PLCB4: variants seen among roughly 807,000 people sequenced by gnomAD.
The protein encoded by PLCB4 is 1-phosphatidylinositol 4,5-bisphosphate phosphodiesterase beta-4.
In PLCB4, 77 loss-of-function variants were observed where a neutral mutation model predicts 178.8. The observed-to-expected ratio is 0.43, with a 90% CI of 0.36 to 0.52. The LOEUF (loss-of-function observed/expected upper bound fraction) is 0.52. Among genes scored for constraint, PLCB4 ranks in the 20% least tolerant of loss-of-function variants. The pLI is 0.00. For missense variants in PLCB4, 1,024 were observed against 1,453.4 expected, an observed-to-expected ratio of 0.70 and a Z score of 4.80; for synonymous variants, 496 against 490.8, an observed-to-expected ratio of 1.01 and a Z score of -0.14.
At chr20:9,405,828 A>G (rs2039394742) in intron 21 of PLCB4, among the ~76,000 whole-genome samples, 1 of 152,172 alleles carries the variant, frequency 6.6e-6, no homozygotes, top group South Asian at 2.1e-4. Flanking sequence ...GGTTTTATTT[A>G]GTAAGTATTT....
chr20:9,337,358 G>A (rs1441000453), intron 5 of PLCB4, 152 bp downstream of exon 5: 3 of 628,264 alleles, frequency 4.8e-6, no homozygotes, highest in African/African-American at 1.8e-5. Flanking sequence ...AGGCATTGAA[G>A]TATACAGTGA....
At position 9,132,919 on chromosome 20, in the gene PLCB4, A is replaced by G. The variant is rs577241978; in HGVS notation, c.-79+36577A>G. Among the ~76,000 whole-genome samples the G allele has an allele frequency of 3.3e-5, 5 of 152,196 alleles. No homozygotes were observed. In the South Asian group the frequency reaches 6.2e-4, roughly 19 times the overall value. ...TAGTGACTAAAATAGAGATGCTACTATTTTCTAGTGAGTAGAAGCCAGGGA... is the reference window on the plus strand; with the variant it reads ...TAGTGACTAAAATAGAGATGCTACTGTTTTCTAGTGAGTAGAAGCCAGGGA... On this transcript the variant is annotated intron_variant, in intron 2 of 39. Coordinates refer to ENST00000378473, the MANE Select transcript of PLCB4 (RefSeq NM_001377142.1).
At chr20:9,204,468 T>C (rs2093591614) in intron 2 of PLCB4, among the ~76,000 whole-genome samples, 1 of 152,088 alleles carries the variant, frequency 6.6e-6, no homozygotes, top group Non-Finnish European at 1.5e-5. Flanking sequence ...CAAGTGATTC[T>C]CCTGTCTCAA....
chr20:9,099,544 G>T (rs1471993947), intron 2 of PLCB4, among the ~76,000 whole-genome samples: 1 of 151,906 alleles, frequency 6.6e-6, no homozygotes, highest in Admixed American at 6.6e-5. Flanking sequence ...GCTACATGTG[G>T]CTAGAGGGCA....
intron 1 of PLCB4, among the ~76,000 whole-genome samples, chr20:9,072,239 T>C (rs2089611132): frequency 6.6e-6 from 1 of 152,192 alleles, no homozygotes; most frequent in African/African-American, 2.4e-5. Context: ...TAATTCTCAG[T>C]GCTGTCCATT....
chr20:9,297,390 G>T (rs2147804808), intron 3 of PLCB4, among the ~76,000 whole-genome samples: 1 of 151,928 alleles, frequency 6.6e-6, no homozygotes, highest in South Asian at 2.1e-4. Flanking sequence ...GTGGGGTGAG[G>T]GATAAAAGAT....
rs143347805 is a variant in PLCB4, at chr20:9,075,121, A to G, written c.-135+5915A>G. Among the ~76,000 whole-genome samples, 548 of 152,282 alleles carry G rather than the reference A, an allele frequency of 3.6e-3. 4 individuals are homozygous for G. The highest frequency in any genetic ancestry group is 0.013 in the African/African-American group (531 of 41,558). On this transcript the variant is annotated intron_variant, in intron 1 of 39. Coordinates refer to ENST00000378473, the MANE Select transcript of PLCB4 (RefSeq NM_001377142.1). ...AGCATCTCCAGTTTATACTTGGGGA[A>G]ACTGAGGTTAGGAGATGTTAAATTA...
chr20:9,144,254 A>G (rs1354742917), intron 2 of PLCB4, among the ~76,000 whole-genome samples: 3 of 152,074 alleles, frequency 2.0e-5, no homozygotes, highest in African/African-American at 7.2e-5. Context: ...GGGAGAACCA[A>G]CTACTGTGTT....
chr20:9,473,220 C>T (rs1323201340), intron 37 of PLCB4, 59 bp from the exon 38 acceptor site: 42 of 1,034,428 alleles, frequency 4.1e-5, no homozygotes, highest in African/African-American at 1.7e-5. Flanking sequence ...TCTCTCATCC[C>T]TGTTTTAAGA....
At chr20:9,200,701 A>C (rs1568939169) in intron 2 of PLCB4, among the ~76,000 whole-genome samples, 1 of 151,858 alleles carries the variant, frequency 6.6e-6, no homozygotes, top group Non-Finnish European at 1.5e-5. Context: ...ATTCCCCTCA[A>C]GGCCTTTGCA....
chr20:9,084,479 TTTAG>T (rs1402084994), intron 1 of PLCB4, among the ~76,000 whole-genome samples: 2 of 149,246 alleles, frequency 1.3e-5, no homozygotes, highest in African/African-American at 2.5e-5. Context: ...TTAATTTCTC[TTTAG>T]TTAGTTGGTG....
At chr20:9,422,976 A>G (rs978766563) in intron 27 of PLCB4, among the ~76,000 whole-genome samples, 4 of 152,224 alleles carry the variant, frequency 2.6e-5, no homozygotes, top group Non-Finnish European at 4.4e-5. Context: ...GCTTTTAGCC[A>G]ATAAAAAGGC....
At chr20:9,212,667 A>G (rs2147249021) in intron 2 of PLCB4, among the ~76,000 whole-genome samples, 1 of 152,302 alleles carries the variant, frequency 6.6e-6, no homozygotes, top group East Asian at 1.9e-4. Flanking sequence ...TTGTCAGGGT[A>G]AAATAAAATT....
chr20:9,244,610 A>G (rs559887670), intron 3 of PLCB4, among the ~76,000 whole-genome samples: 62 of 152,324 alleles, frequency 4.1e-4, no homozygotes, highest in African/African-American at 1.4e-3. Context: ...CCTGTTAGAA[A>G]CAACAGTTTA....
Position 9,244,668 on chromosome 20 carries a change from T to G in PLCB4, c.-16+27216T>G, listed in dbSNP as rs190029552. Among the ~76,000 whole-genome samples, 5 of 152,334 alleles carry G rather than the reference T, an allele frequency of 3.3e-5. No homozygotes were observed. The East Asian group carries it at 9.7e-4, about 29-fold the overall frequency. On this transcript the variant is annotated intron_variant, in intron 3 of 39. Transcript: ENST00000378473. ...TGTATGTACTTGATGATCAGTTAAG[T>G]AAAGAGTGTTTAGGTGGACTTTTTT...
chr20:9,135,360 T>A (rs1224736959), intron 2 of PLCB4, among the ~76,000 whole-genome samples: 1 of 152,032 alleles, frequency 6.6e-6, no homozygotes, highest in Non-Finnish European at 1.5e-5. Context: ...TCAGAGTAAT[T>A]ATTGAATTCA....
intron 2 of PLCB4, among the ~76,000 whole-genome samples, chr20:9,140,543 G>C (rs1165777413): frequency 2.0e-5 from 3 of 151,756 alleles, no homozygotes; most frequent in Non-Finnish European, 4.4e-5. Flanking sequence ...ATGTTGGAGG[G>C]GGGGCCTGGT....
intron 4 of PLCB4, among the ~76,000 whole-genome samples, chr20:9,325,997 G>C (rs60569997): frequency 1.3e-5 from 2 of 152,136 alleles, no homozygotes; most frequent in East Asian, 3.9e-4. Flanking sequence ...AAGATGACAC[G>C]TTCTTGCTGT....
intron 3 of PLCB4, among the ~76,000 whole-genome samples, chr20:9,226,399 G>A (rs1451737385): frequency 6.6e-6 from 1 of 152,172 alleles, no homozygotes; most frequent in Non-Finnish European, 1.5e-5. Flanking sequence ...ACTCTTCTGA[G>A]CAAGTAGAAG....
Sources: gnomAD v4.1 joint callset for allele counts (sites outside exome capture counted in the v4.1 genomes callset) on GRCh38, gnomAD v4.1.1 for gene constraint, MANE v1.5 for transcripts, NCBI Gene and HGNC (gene_info 2026-07-23, HGNC 2026-07-21) for gene names.